CREB3L2: variants seen among roughly 807,000 people sequenced by gnomAD.
CREB3L2 encodes the protein cyclic AMP-responsive element-binding protein 3-like protein 2.
A neutral mutation model predicts 57.2 loss-of-function variants in CREB3L2; 23 were observed. The ratio of observed to expected loss-of-function variants is 0.40; its 90% CI spans 0.29 to 0.57. CREB3L2 has a LOEUF of 0.57. CREB3L2 is among the 20% of genes least tolerant of loss of function. The pLI is 0.42. For synonymous variants in CREB3L2, 268 were observed against 265.1 expected (o/e 1.01, Z -0.11); for missense variants, 628 against 634.7 (o/e 0.99, Z 0.11).
At chr7:137,987,895 A>G (rs939136037) in intron 1 of CREB3L2, among the ~76,000 whole-genome samples, 4 of 152,204 alleles carry the variant, frequency 2.6e-5, no homozygotes, top group African/African-American at 7.2e-5. Context: ...CAAACTCACA[A>G]GACATTTTCT....
chr7:137,918,277 G>A (rs1475945158), intron 2 of CREB3L2, among the ~76,000 whole-genome samples: 2 of 151,998 alleles, frequency 1.3e-5, no homozygotes, highest in Non-Finnish European at 2.9e-5. Context: ...TGCAAACTCC[G>A]CCTCCCGGAT....
intron 1 of CREB3L2, among the ~76,000 whole-genome samples, chr7:137,994,870 A>G (rs17169482): frequency 0.035 from 5,321 of 152,260 alleles, 323 homozygotes; most frequent in African/African-American, 0.12. Flanking sequence ...TGAATTTTAA[A>G]TTTTCTAGTT....
chr7:137,935,821 A>G (rs73456347), intron 1 of CREB3L2: 4,559 of 163,638 alleles, frequency 0.028, 190 homozygotes, highest in African/African-American at 0.099. Context: ...CAGATAAATT[A>G]GGAGAAATTT....
At chr7:137,921,926 T>G (rs945609616) in intron 2 of CREB3L2, among the ~76,000 whole-genome samples, 34 of 149,582 alleles carry the variant, frequency 2.3e-4, no homozygotes, top group African/African-American at 8.1e-4. Flanking sequence ...GTGCGTCACC[T>G]CACCCAGCTA....
At chr7:137,901,125 G>T (rs1335055783) in intron 8 of CREB3L2, among the ~76,000 whole-genome samples, 1 of 152,214 alleles carries the variant, frequency 6.6e-6, no homozygotes, top group African/African-American at 2.4e-5. Flanking sequence ...GTGAACATGA[G>T]AGCATGTGTG....
chr7:137,886,848 C>T (rs1799430249), intron 8 of CREB3L2, among the ~76,000 whole-genome samples: 2 of 152,212 alleles, frequency 1.3e-5, no homozygotes, highest in East Asian at 1.9e-4. Flanking sequence ...GCACACAGAG[C>T]AGATGGTAAA....
Position 137,875,617 on chromosome 7 carries a change from A to C in CREB3L2, c.*4859T>G, listed in dbSNP as rs1042936942. On this transcript the variant is annotated 3_prime_UTR_variant, in exon 12 of 12. Coordinates refer to ENST00000330387, the MANE Select transcript of CREB3L2 (RefSeq NM_194071.4). The stretch of plus-strand genomic sequence containing the variant: ...TCACACAGCAGGGCCATTGCAGGGG[A>C]CAGGTGCTGTAATTCCTGCCCAGAG... 4.4e-6 allele frequency: 1 copy of C among 224,806 alleles called. No homozygotes were observed. Among genetic ancestry groups the C allele is most frequent in the Non-Finnish European group, 8.9e-6 (1 of 112,800 alleles). 13.9% of individuals were successfully genotyped at this position (224,806 alleles called of 1,614,324 possible).
chr7:137,880,541 T>C lies in CREB3L2; in HGVS notation c.1498A>G (p.Lys500Glu). 1 of 1,613,766 alleles carries C rather than the reference T, an allele frequency of 6.2e-7. No individual in the cohort carries two copies. The highest frequency in any genetic ancestry group is 1.1e-5 in the South Asian group (1 of 91,024). Residue 500 changes from lysine (K) to glutamate (E), a missense_variant, in exon 12 of 12, where the codon AAA (lysine) becomes GAA (glutamate). Physicochemically the swap from Lys to Glu is moderately conservative, Grantham distance 56. Coordinates refer to ENST00000330387, the MANE Select transcript of CREB3L2 (RefSeq NM_194071.4). The surrounding 1 kb of genome is among the most constrained non-coding windows in gnomAD (Gnocchi z 4.0). The stretch of plus-strand genomic sequence containing the variant: ...TTTAGTGTTTCATTCCCCTCCAGTT[T>C]GGCGCTGACCCTGTGAAGGCATTAA... ...LELQQHLVSA[K>E]LEGNETLKVV...
intron 11 of CREB3L2, 42 bp downstream of exon 11, chr7:137,882,370 T>C (rs753042980): frequency 2.0e-6 from 3 of 1,473,814 alleles, no homozygotes; most frequent in Admixed American, 3.4e-5. Context: ...TAACCCACCA[T>C]CAGTGCACTA....
intron 1 of CREB3L2, among the ~76,000 whole-genome samples, chr7:137,960,977 C>T (rs1039640094): frequency 6.6e-6 from 1 of 151,676 alleles, no homozygotes; most frequent in African/African-American, 2.4e-5. Flanking sequence ...CCACACCCGG[C>T]TAATTTTAGC....
chr7:137,889,700 C>G (rs1340523855), intron 8 of CREB3L2, among the ~76,000 whole-genome samples: 1 of 152,170 alleles, frequency 6.6e-6, no homozygotes, highest in Non-Finnish European at 1.5e-5. Flanking sequence ...TGAGGCATTT[C>G]GCTCAGTCAT....
At chr7:137,918,890 C>A (rs568136410) in intron 2 of CREB3L2, among the ~76,000 whole-genome samples, 1 of 152,220 alleles carries the variant, frequency 6.6e-6, no homozygotes, top group East Asian at 1.9e-4. Context: ...TGTCCTATAG[C>A]CCTCTTTACA....
At position 137,876,926 on chromosome 7, in the gene CREB3L2, G is replaced by A. The variant is rs1799168576; in HGVS notation, c.*3550C>T. ...GGTGGGATGTCTCCATTTCTGGACTGTGCTCAAATTCACACCTTGTATGAC... is the reference window on the plus strand; with the variant it reads ...GGTGGGATGTCTCCATTTCTGGACTATGCTCAAATTCACACCTTGTATGAC... On this transcript the variant is annotated 3_prime_UTR_variant, in exon 12 of 12. Transcript: ENST00000330387. 1 of 232,386 alleles carries A rather than the reference G, an allele frequency of 4.3e-6. No homozygotes were observed. Among genetic ancestry groups the A allele is most frequent in the Non-Finnish European group, 8.5e-6 (1 of 117,494 alleles). The allele number at this position is 232,386 out of a possible 1,614,324, so 14.4% of individuals were successfully genotyped here.
At chr7:137,930,160 G>A (rs1046112579) in intron 1 of CREB3L2, among the ~76,000 whole-genome samples, 28 of 152,038 alleles carry the variant, frequency 1.8e-4, no homozygotes, top group African/African-American at 6.5e-4. Flanking sequence ...GCCTCCCAAA[G>A]TGCTGGGATT....
At position 137,882,552 on chromosome 7, in the gene CREB3L2, C is replaced by CT. The variant is rs779420003; in HGVS notation, c.1346dup (p.Leu450AlafsTer6). On this transcript the variant is annotated frameshift_variant, in exon 11 of 12. Coordinates refer to ENST00000330387, the MANE Select transcript of CREB3L2 (RefSeq NM_194071.4). LOFTEE classifies it high-confidence loss of function. ...AGGAACCTCTATCCCAGCCCCCCAG[C>CT]TCCCCAGCCGAGCCCGGGCTGGATG... 6.2e-7 allele frequency: 1 copy of CT among 1,613,798 alleles called. No individual in the cohort carries two copies. Among genetic ancestry groups the CT allele is most frequent in the South Asian group, 1.1e-5 (1 of 91,058 alleles).
At chr7:137,927,358 AAAAG>A (rs1800493103) in intron 2 of CREB3L2, among the ~76,000 whole-genome samples, 2 of 147,174 alleles carry the variant, frequency 1.4e-5, no homozygotes, top group Admixed American at 1.3e-4. Flanking sequence ...GGGAGAGAGA[AAAAG>A]AAGAAAGAAA....
intron 1 of CREB3L2, among the ~76,000 whole-genome samples, chr7:137,940,870 G>C (rs547193022): frequency 3.9e-5 from 6 of 152,232 alleles, no homozygotes; most frequent in African/African-American, 1.4e-4. Context: ...GAAAGTGCTT[G>C]AGAGGTACAA....
At chr7:137,986,658 A>G (rs1801796563) in intron 1 of CREB3L2, among the ~76,000 whole-genome samples, 1 of 152,226 alleles carries the variant, frequency 6.6e-6, no homozygotes, top group Admixed American at 6.5e-5. Flanking sequence ...ACAAGAGGAC[A>G]GTCAGAATCC....
At chr7:137,895,019 G>C (rs1399178330) in intron 8 of CREB3L2, among the ~76,000 whole-genome samples, 1 of 152,190 alleles carries the variant, frequency 6.6e-6, no homozygotes, top group African/African-American at 2.4e-5. Flanking sequence ...TGTATCTCAA[G>C]TCTAAGCTCC....
Sources: allele counts gnomAD v4.1 joint callset (sites outside exome capture counted in the v4.1 genomes callset), GRCh38; gene constraint gnomAD v4.1.1; non-coding constraint Gnocchi (gnomAD v3.1); transcripts MANE v1.5; gene names NCBI Gene and HGNC (gene_info 2026-07-23, HGNC 2026-07-21).